Variants in AFG1L observed in about 807,000 individuals in gnomAD.
AFG1L encodes the protein AFG1 like ATPase.
Under a neutral mutation model 62.2 loss-of-function variants are expected in AFG1L, and 53 were observed. That is an observed-to-expected ratio of 0.85 (90% CI 0.68 to 1.07). The LOEUF is 1.07. AFG1L is among the 50% of genes least tolerant of loss of function. The probability of loss-of-function intolerance (pLI) is 0.00; values close to 1 mark genes in which losing one functional copy is unlikely to be tolerated. For missense variants in AFG1L, 555 were observed against 590.5 expected (o/e 0.94, Z 0.62); for synonymous variants, 228 against 210.3 (o/e 1.08, Z -0.73).
At chr6:108,450,859 C>A (rs1772024557) in intron 8 of AFG1L, among the ~76,000 whole-genome samples, 1 of 151,742 alleles carries the variant, frequency 6.6e-6, no homozygotes, top group Non-Finnish European at 1.5e-5. Context: ...AATAGGGAAT[C>A]CTTTCCCCAT....
At chr6:108,464,043 G>A (rs917223677) in intron 8 of AFG1L, among the ~76,000 whole-genome samples, 7 of 152,134 alleles carry the variant, frequency 4.6e-5, no homozygotes, top group Admixed American at 1.3e-4. Flanking sequence ...AATCAACTTT[G>A]GCTCTCTGGA....
chr6:108,473,838 C>T (rs1294081179), intron 8 of AFG1L, among the ~76,000 whole-genome samples: 2 of 152,064 alleles, frequency 1.3e-5, no homozygotes, highest in Non-Finnish European at 1.5e-5. Flanking sequence ...GGATTACAGG[C>T]GTGAGCCACT....
At chr6:108,433,655 C>T (rs947923049) in intron 7 of AFG1L, among the ~76,000 whole-genome samples, 1 of 152,048 alleles carries the variant, frequency 6.6e-6, no homozygotes, top group Non-Finnish European at 1.5e-5. Flanking sequence ...TGCAGTGGCG[C>T]GATCTCAGCT....
chr6:108,491,937 C>G (rs1034296756), intron 10 of AFG1L, among the ~76,000 whole-genome samples: 3 of 152,172 alleles, frequency 2.0e-5, no homozygotes, highest in Non-Finnish European at 4.4e-5. Context: ...AGTTCCATTT[C>G]TTTCCAATGG....
Position 108,295,118 on chromosome 6 carries a change from C to G in AFG1L, c.39C>G (p.Pro13=). ...ASWSLLVTLR[P]LAQSPLRGRC... ...GGTCGCTCTTGGTTACCCTGCGCCC[C>G]TTAGCACAGAGCCCGCTGAGAGGGA... Residue 13 remains proline, a synonymous_variant, in exon 1 of 13, where the codon CCC becomes CCG. Coordinates refer to ENST00000368977, the MANE Select transcript of AFG1L (RefSeq NM_145315.5). 2 of 1,611,556 alleles carry G rather than the reference C, an allele frequency of 1.2e-6. No homozygotes were observed. The highest frequency in any genetic ancestry group is 8.5e-7 in the Non-Finnish European group (1 of 1,179,984).
At chr6:108,453,850 G>C (rs1772153359) in intron 8 of AFG1L, among the ~76,000 whole-genome samples, 1 of 152,140 alleles carries the variant, frequency 6.6e-6, no homozygotes, top group Non-Finnish European at 1.5e-5. Flanking sequence ...ACTGGAATCT[G>C]CAGTTTCAGT....
chr6:108,372,407 G>A (rs2114520982), intron 6 of AFG1L, among the ~76,000 whole-genome samples: 1 of 149,836 alleles, frequency 6.7e-6, no homozygotes, highest in Non-Finnish European at 1.5e-5. Flanking sequence ...TTGGCTCACT[G>A]CAACCTCCGC....
intron 2 of AFG1L, among the ~76,000 whole-genome samples, chr6:108,326,057 A>G (rs368388197): frequency 1.6e-4 from 24 of 152,192 alleles, no homozygotes; most frequent in African/African-American, 4.6e-4. Context: ...GATTACAGAC[A>G]TGAGCCACTG....
intron 7 of AFG1L, among the ~76,000 whole-genome samples, chr6:108,405,935 A>G (rs1031488706): frequency 6.6e-6 from 1 of 152,196 alleles, no homozygotes; most frequent in Non-Finnish European, 1.5e-5. Context: ...TCCAAAGTTT[A>G]TGCATGTTGT....
chr6:108,377,017 G>A (rs1780277047), intron 6 of AFG1L, among the ~76,000 whole-genome samples: 1 of 151,614 alleles, frequency 6.6e-6, no homozygotes, highest in East Asian at 1.9e-4. Context: ...GCCGTTGTTG[G>A]TTTAAAGTCT....
At chr6:108,360,644 T>C (rs1779489353) in intron 5 of AFG1L, among the ~76,000 whole-genome samples, 1 of 152,194 alleles carries the variant, frequency 6.6e-6, no homozygotes, top group Non-Finnish European at 1.5e-5. Flanking sequence ...TATCTGCATA[T>C]ACCCAGTGTT....
intron 8 of AFG1L, among the ~76,000 whole-genome samples, chr6:108,456,143 A>G (rs776561673): frequency 6.6e-5 from 10 of 152,092 alleles, no homozygotes; most frequent in Non-Finnish European, 1.5e-4. Context: ...TTTAGGATTG[A>G]TATGTTCTCT....
intron 6 of AFG1L, among the ~76,000 whole-genome samples, chr6:108,398,886 C>G (rs569578505): frequency 2.0e-5 from 3 of 152,100 alleles, no homozygotes; most frequent in African/African-American, 7.2e-5. Flanking sequence ...ATTGTGATTT[C>G]TGCAGTTTTG....
chr6:108,418,102 A>G (rs1770408595), intron 7 of AFG1L, among the ~76,000 whole-genome samples: 1 of 152,054 alleles, frequency 6.6e-6, no homozygotes, highest in African/African-American at 2.4e-5. Context: ...AAAGACAAAT[A>G]TAATTGTTAA....
At chr6:108,431,593 G>A (rs890841888) in intron 7 of AFG1L, among the ~76,000 whole-genome samples, 2 of 117,450 alleles carry the variant, frequency 1.7e-5, no homozygotes, top group African/African-American at 6.4e-5. Context: ...ACCTTTCTTT[G>A]TTGCTTTTTT....
chr6:108,460,204 C>T (rs946910423), intron 8 of AFG1L, among the ~76,000 whole-genome samples: 1 of 150,672 alleles, frequency 6.6e-6, no homozygotes, highest in Admixed American at 6.6e-5. Flanking sequence ...ATGGCTTTAT[C>T]AAGATGCAAT....
At chr6:108,326,833 G>A (rs1447630578) in intron 2 of AFG1L, among the ~76,000 whole-genome samples, 1 of 152,134 alleles carries the variant, frequency 6.6e-6, no homozygotes, top group Admixed American at 6.5e-5. Flanking sequence ...GGTGGCAGGT[G>A]CCTGTAATCT....
chr6:108,406,722 G>A (rs1262103912), intron 7 of AFG1L, among the ~76,000 whole-genome samples: 1 of 152,176 alleles, frequency 6.6e-6, no homozygotes, highest in African/African-American at 2.4e-5. Context: ...ACAGGTGTGA[G>A]CCACTGTGCC....
intron 1 of AFG1L, among the ~76,000 whole-genome samples, chr6:108,321,871 A>C (rs1344697955): frequency 6.6e-6 from 1 of 152,116 alleles, no homozygotes; most frequent in Non-Finnish European, 1.5e-5. Flanking sequence ...GCAAGATAGA[A>C]GTTTATTACT....
Sources: gnomAD v4.1 joint callset for allele counts (sites outside exome capture counted in the v4.1 genomes callset) on GRCh38, gnomAD v4.1.1 for gene constraint, MANE v1.5 for transcripts, NCBI Gene and HGNC (gene_info 2026-07-23, HGNC 2026-07-21) for gene names.